Variants in KLHL1 observed in about 807,000 individuals in gnomAD.
KLHL1 encodes the protein kelch like family member 1.
Under a neutral mutation model 77.7 loss-of-function variants are expected in KLHL1, and 47 were observed. That is an observed-to-expected ratio of 0.60 (90% confidence interval 0.48 to 0.77). The LOEUF is 0.77. Among genes scored for constraint, KLHL1 ranks in the 30% least tolerant of loss-of-function variants. The pLI, the probability that KLHL1 is intolerant of heterozygous loss-of-function variation, is 0.00. For synonymous variants in KLHL1, 360 were observed against 325.2 expected (o/e 1.11, Z -1.15); for missense variants, 925 against 910.8 (o/e 1.02, Z -0.20).
rs547011232 is a variant in KLHL1, at chr13:69,811,025, A to G, written c.1415-14063T>C. Among the ~76,000 whole-genome samples the G allele has an allele frequency of 8.3e-4, 125 of 150,946 alleles. 2 individuals carry two copies. Among genetic ancestry groups the G allele is most frequent in the African/African-American group, 2.9e-3 (119 of 40,364 alleles). ...GCCCTATACCAGATGGATTCACAGC[A>G]GAATTCTATCAGACATACAAAGAAG... On this transcript the variant is annotated intron_variant, in intron 6 of 10. Coordinates refer to ENST00000377844, the MANE Select transcript of KLHL1 (RefSeq NM_020866.3).
At chr13:69,783,438 G>C (rs1163684957) in intron 7 of KLHL1, among the ~76,000 whole-genome samples, 2 of 152,092 alleles carry the variant, frequency 1.3e-5, no homozygotes, top group Non-Finnish European at 2.9e-5. Context: ...CAAAAAATTA[G>C]ACAAATGGAT....
At chr13:70,041,960 C>G (rs915616712) in intron 1 of KLHL1, among the ~76,000 whole-genome samples, 11 of 152,034 alleles carry the variant, frequency 7.2e-5, no homozygotes, top group East Asian at 3.9e-4. Flanking sequence ...TTGCTTATTT[C>G]TTTGTTTGTT....
chr13:69,951,325 T>A (rs75278739), intron 3 of KLHL1, among the ~76,000 whole-genome samples: 12,764 of 151,462 alleles, frequency 0.084, 602 homozygotes, highest in Non-Finnish European at 0.11. Context: ...TTTTCTTTCC[T>A]TTATATTCTA....
In KLHL1 at chr13:69,847,561, C is replaced by G. The variant is rs1297207832; in HGVS notation, c.1228-8399G>C. Among the ~76,000 whole-genome samples the G allele has an allele frequency of 3.3e-5, 5 of 151,270 alleles. No individual in the cohort carries two copies. In the East Asian group the frequency reaches 9.7e-4, roughly 29 times the overall value. ...ATACTTAAAGAAAAATAAGTTTAAACATATTATAGACCAAAGAAAAAGTAC... is the reference window on the plus strand; with the variant it reads ...ATACTTAAAGAAAAATAAGTTTAAAGATATTATAGACCAAAGAAAAAGTAC... On this transcript the variant is annotated intron_variant, in intron 5 of 10. Transcript: ENST00000377844.
chr13:69,987,147 T>C (rs1162677896), intron 1 of KLHL1, among the ~76,000 whole-genome samples: 1 of 152,028 alleles, frequency 6.6e-6, no homozygotes, highest in Non-Finnish European at 1.5e-5. Flanking sequence ...ACACATTTGC[T>C]CTACTCAAGT....
At chr13:69,849,535 G>T (rs1165235575) in intron 5 of KLHL1, among the ~76,000 whole-genome samples, 2 of 150,904 alleles carry the variant, frequency 1.3e-5, no homozygotes, top group African/African-American at 4.9e-5. Flanking sequence ...TTCCTCTGGG[G>T]CTTCTATTAA....
intron 7 of KLHL1, among the ~76,000 whole-genome samples, chr13:69,747,921 C>T (rs1424386580): frequency 6.6e-6 from 1 of 151,822 alleles, no homozygotes; most frequent in Non-Finnish European, 1.5e-5. Flanking sequence ...GCAAAATATA[C>T]TAATTAAATA....
chr13:69,933,914 T>C (rs41417651), intron 4 of KLHL1, among the ~76,000 whole-genome samples: 4,542 of 152,226 alleles, frequency 0.03, 115 homozygotes, highest in African/African-American at 0.069. Flanking sequence ...GTATCAGGAA[T>C]TCGACTTAAT....
chr13:69,945,773 C>T (rs1338531911), intron 3 of KLHL1, among the ~76,000 whole-genome samples: 1 of 152,016 alleles, frequency 6.6e-6, no homozygotes, highest in Non-Finnish European at 1.5e-5. Flanking sequence ...CTTTAGAAAA[C>T]AATTCTGCAG....
Position 69,701,077 on chromosome 13 carries a change from A to G in KLHL1, c.*625T>C, listed in dbSNP as rs1875369992. On this transcript the variant is annotated 3_prime_UTR_variant, in exon 11 of 11. Coordinates refer to ENST00000377844, the MANE Select transcript of KLHL1 (RefSeq NM_020866.3). The stretch of plus-strand genomic sequence containing the variant: ...ATGGTTGCAATAAAATTCAACCATT[A>G]TCTCTGATGAGATATGCAGCTTTGA... 1 of 152,340 alleles carries G rather than the reference A, an allele frequency of 6.6e-6. No individual in the cohort carries two copies. Among genetic ancestry groups the G allele is most frequent in the African/African-American group, 2.4e-5 (1 of 41,430 alleles). The allele number at this position is 152,340 out of a possible 1,614,324, so 9.4% of individuals were successfully genotyped here.
intron 7 of KLHL1, among the ~76,000 whole-genome samples, chr13:69,794,233 C>A (rs986734904): frequency 3.3e-5 from 5 of 152,082 alleles, no homozygotes; most frequent in Admixed American, 6.6e-5. Context: ...ATAGGTTGAG[C>A]GAAGTCAGCT....
intron 2 of KLHL1, among the ~76,000 whole-genome samples, chr13:69,966,071 A>G (rs1331646126): frequency 6.6e-6 from 1 of 152,152 alleles, no homozygotes; most frequent in Non-Finnish European, 1.5e-5. Context: ...AACATCAATT[A>G]ATTTTGTTCC....
intron 4 of KLHL1, among the ~76,000 whole-genome samples, chr13:69,935,899 CAAA>C (rs1212769513): frequency 2.0e-5 from 3 of 151,934 alleles, no homozygotes; most frequent in African/African-American, 7.2e-5. Context: ...TTTGATGGAA[CAAA>C]AAAATTCAAT....
chr13:69,991,667 C>A (rs1004371332), intron 1 of KLHL1, among the ~76,000 whole-genome samples: 3 of 146,304 alleles, frequency 2.1e-5, no homozygotes, highest in Admixed American at 1.3e-4. Context: ...TAATAAATAG[C>A]CTATCAACCA....
intron 1 of KLHL1, among the ~76,000 whole-genome samples, chr13:70,068,863 AG>A (rs1407263004): frequency 2.0e-5 from 3 of 152,042 alleles, no homozygotes; most frequent in Admixed American, 2.0e-4. Context: ...GTCGTGGGGG[AG>A]GAGGCACACT....
chr13:69,772,623 C>A (rs2137985520), intron 7 of KLHL1, among the ~76,000 whole-genome samples: 1 of 152,222 alleles, frequency 6.6e-6, no homozygotes, highest in African/African-American at 2.4e-5. Context: ...AACACTAATT[C>A]TCTAAAAAGT....
intron 7 of KLHL1, among the ~76,000 whole-genome samples, chr13:69,755,251 C>T (rs1457494718): frequency 6.6e-6 from 1 of 151,762 alleles, no homozygotes; most frequent in Non-Finnish European, 1.5e-5. Context: ...CCACTCTTGC[C>T]ACGTGATACA....
intron 4 of KLHL1, among the ~76,000 whole-genome samples, chr13:69,883,090 GCTCCCATAAC>G (rs1881062394): frequency 6.6e-6 from 1 of 151,868 alleles, no homozygotes. Context: ...CTTCCTGTTT[GCTCCCATAAC>G]CTCCTAATTA....
intron 9 of KLHL1, among the ~76,000 whole-genome samples, chr13:69,712,769 TTTTG>T (rs1476212362): frequency 8.8e-5 from 12 of 135,976 alleles, no homozygotes; most frequent in African/African-American, 3.4e-4. Flanking sequence ...TGTTTTTTTT[TTTTG>T]GGGGGGGGGT....
Sources: allele counts gnomAD v4.1 joint callset (sites outside exome capture counted in the v4.1 genomes callset), GRCh38; gene constraint gnomAD v4.1.1; transcripts MANE v1.5; gene names NCBI Gene and HGNC (gene_info 2026-07-23, HGNC 2026-07-21).